C1orf87: variants seen among roughly 807,000 people sequenced by gnomAD.
C1orf87 encodes uncharacterized protein C1orf87.
A neutral mutation model predicts 60.5 loss-of-function variants in C1orf87; 58 were observed. The ratio of observed to expected loss-of-function variants is 0.96; its 90% confidence interval spans 0.78 to 1.19. The LOEUF is 1.19. Among genes scored for constraint, C1orf87 ranks in the 50% most tolerant of loss-of-function variants. C1orf87 has a pLI of 0.00. For missense variants in C1orf87, 673 were observed against 638.6 expected (o/e 1.05, Z -0.58); for synonymous variants, 236 against 227.4 (o/e 1.04, Z -0.34).
intron 7 of C1orf87, among the ~76,000 whole-genome samples, chr1:60,032,906 C>A (rs1298098662): frequency 2.6e-5 from 4 of 152,140 alleles, no homozygotes; most frequent in Admixed American, 6.6e-5. Flanking sequence ...GTGTTGCTAA[C>A]AGAGTTACAG....
intron 3 of C1orf87, among the ~76,000 whole-genome samples, chr1:60,043,837 A>G (rs541976116): frequency 6.1e-4 from 93 of 152,280 alleles, no homozygotes; most frequent in African/African-American, 2.2e-3. Flanking sequence ...TGTTTTAAAG[A>G]AATGTTATCA....
chr1:60,041,145 G>A lies in C1orf87; in HGVS notation c.343-14C>T, dbSNP rs552336405. 13 of 1,532,868 alleles carry A rather than the reference G, an allele frequency of 8.5e-6. No homozygotes were observed. Among genetic ancestry groups the A allele is most frequent in the Non-Finnish European group, 1.2e-5 (13 of 1,127,744 alleles). 95.0% of individuals were successfully genotyped at this position (1,532,868 alleles called of 1,614,324 possible). A position where few individuals can be genotyped will look rare whatever the true frequency, so the allele number is the denominator to read the frequency against. On this transcript the variant is annotated splice_polypyrimidine_tract_variant and intron_variant, in intron 3 of 11. Coordinates refer to ENST00000371201, the MANE Select transcript of C1orf87 (RefSeq NM_152377.3). The stretch of plus-strand genomic sequence containing the variant: ...TTGACTGGGAATCTTAACAGAACAA[G>A]GACAAAGGGAAGCAAGGAGCAGAAG...
chr1:60,066,587 G>C (rs1645547635), intron 2 of C1orf87, among the ~76,000 whole-genome samples: 2 of 151,972 alleles, frequency 1.3e-5, no homozygotes. Context: ...TGAAGTCTTG[G>C]AACCCTCAAA....
intron 8 of C1orf87, among the ~76,000 whole-genome samples, chr1:60,016,809 T>C (rs1645127665): frequency 6.6e-6 from 1 of 152,232 alleles, no homozygotes; most frequent in African/African-American, 2.4e-5. Context: ...ATATCTTACA[T>C]GCCTCCTGGG....
chr1:60,043,644 A>G (rs1377852173), intron 3 of C1orf87, among the ~76,000 whole-genome samples: 3 of 152,116 alleles, frequency 2.0e-5, no homozygotes, highest in Admixed American at 6.5e-5. Context: ...TTGGCCTCCC[A>G]AAGTGCTGGG....
chr1:59,999,308 T>A (rs1644985195), intron 10 of C1orf87, among the ~76,000 whole-genome samples: 1 of 152,204 alleles, frequency 6.6e-6, no homozygotes, highest in Non-Finnish European at 1.5e-5. Flanking sequence ...AATTCTACTT[T>A]GATAAAATCA....
At chr1:59,996,217 A>G (rs112231828) in intron 11 of C1orf87, among the ~76,000 whole-genome samples, 62 of 152,320 alleles carry the variant, frequency 4.1e-4, no homozygotes, top group Non-Finnish European at 7.4e-4. Context: ...TTGTCATATG[A>G]TTACTTCTAG....
At chr1:60,034,153 A>T (rs1449170081) in intron 6 of C1orf87, among the ~76,000 whole-genome samples, 1 of 152,040 alleles carries the variant, frequency 6.6e-6, no homozygotes, top group Non-Finnish European at 1.5e-5. Flanking sequence ...ATTAACCTTG[A>T]CTCTGCTCCT....
At chr1:60,021,524 C>T (rs1574305225) in intron 8 of C1orf87, among the ~76,000 whole-genome samples, 2 of 152,262 alleles carry the variant, frequency 1.3e-5, no homozygotes, top group Middle Eastern at 6.8e-3. Context: ...ATCTGCATCC[C>T]TGAGAATATT....
chr1:60,016,350 T>G (rs986750350), intron 8 of C1orf87, among the ~76,000 whole-genome samples: 4 of 152,168 alleles, frequency 2.6e-5, no homozygotes, highest in Non-Finnish European at 5.9e-5. Flanking sequence ...GCATTAATTC[T>G]TTATCCAATC....
At chr1:60,027,756 G>A (rs1645209886) in intron 7 of C1orf87, among the ~76,000 whole-genome samples, 1 of 152,104 alleles carries the variant, frequency 6.6e-6, no homozygotes, top group Non-Finnish European at 1.5e-5. Context: ...ATGAAAAAAC[G>A]AAGAGTTTGC....
rs1410749863 is a variant in C1orf87 at position 60,000,179 on chromosome 1, A to C, written c.1272+898T>G. Among the ~76,000 whole-genome samples the C allele has an allele frequency of 2.6e-5, 4 of 152,186 alleles. No homozygotes were observed. In the East Asian group the frequency reaches 7.7e-4, roughly 29 times the overall value. On this transcript the variant is annotated intron_variant, in intron 10 of 11. Transcript: ENST00000371201. ...AATGAATGATTTTCTCAGGGACAAT[A>C]GGAAACTTGCTTTACCAGACCCCTG...
Position 59,990,555 on chromosome 1 carries a change from C to T in C1orf87, c.*118G>A, listed in dbSNP as rs1644913326. On this transcript the variant is annotated 3_prime_UTR_variant, in exon 12 of 12. Transcript: ENST00000371201. Reference sequence around the variant, plus strand: ...TCCAAATCAAAAGCATCTACAATAGCTGCATCGGCCTCCACTCTGACAATG... The same window carrying T: ...TCCAAATCAAAAGCATCTACAATAGTTGCATCGGCCTCCACTCTGACAATG... 2 of 1,203,020 alleles carry T rather than the reference C, an allele frequency of 1.7e-6. No individual in the cohort carries two copies. The highest frequency in any genetic ancestry group is 2.4e-5 in the East Asian group (1 of 42,362). 74.5% of individuals were successfully genotyped at this position (1,203,020 alleles called of 1,614,324 possible).
At chr1:60,056,072 C>T (rs778668628) in intron 2 of C1orf87, among the ~76,000 whole-genome samples, 5 of 151,828 alleles carry the variant, frequency 3.3e-5, no homozygotes, top group East Asian at 3.9e-4. Flanking sequence ...GGTGAAACCC[C>T]GTCTCTACTA....
At chr1:60,013,206 G>A (rs1002990888) in intron 8 of C1orf87, among the ~76,000 whole-genome samples, 4 of 151,954 alleles carry the variant, frequency 2.6e-5, no homozygotes, top group Non-Finnish European at 5.9e-5. Context: ...TGGGACTTCC[G>A]TTTTTATTTC....
At chr1:60,029,549 C>A (rs1014404055) in intron 7 of C1orf87, among the ~76,000 whole-genome samples, 3 of 151,936 alleles carry the variant, frequency 2.0e-5, no homozygotes, top group African/African-American at 7.2e-5. Flanking sequence ...CTTACCCTTT[C>A]CTGAATTAGC....
At chr1:59,997,320 G>T (rs1303555860) in intron 11 of C1orf87, among the ~76,000 whole-genome samples, 4 of 152,120 alleles carry the variant, frequency 2.6e-5, no homozygotes, top group Non-Finnish European at 2.9e-5. Flanking sequence ...TATCAGTGGG[G>T]TATCTCTGAG....
At chr1:59,996,593 T>C (rs1644965020) in intron 11 of C1orf87, among the ~76,000 whole-genome samples, 1 of 152,194 alleles carries the variant, frequency 6.6e-6, no homozygotes, top group African/African-American at 2.4e-5. Context: ...ATAGCCCCTA[T>C]ATTGAGCACC....
At chr1:60,029,392 T>A (rs1266538924) in intron 7 of C1orf87, among the ~76,000 whole-genome samples, 1 of 152,178 alleles carries the variant, frequency 6.6e-6, no homozygotes, top group Non-Finnish European at 1.5e-5. Context: ...GAATGCTTTT[T>A]TTTCCCATTT....
Sources: allele counts gnomAD v4.1 joint callset (sites outside exome capture counted in the v4.1 genomes callset), GRCh38; gene constraint gnomAD v4.1.1; transcripts MANE v1.5; gene names NCBI Gene and HGNC (gene_info 2026-07-23, HGNC 2026-07-21).